NR2C1: variants seen among roughly 807,000 people sequenced by gnomAD.
NR2C1 encodes the protein nuclear receptor subfamily 2 group C member 1.
Under a neutral mutation model 74.8 loss-of-function variants are expected in NR2C1, and 33 were observed. That is an observed-to-expected ratio of 0.44 (90% CI 0.33 to 0.59). The LOEUF (loss-of-function observed/expected upper bound fraction) is 0.59, where lower values mean the gene tolerates loss of function less well. Among genes scored for constraint, NR2C1 ranks in the 20% least tolerant of loss-of-function variants. NR2C1 has a pLI of 0.02. For missense variants in NR2C1, 568 were observed against 715.6 expected (o/e 0.79, Z 2.35); for synonymous variants, 225 against 240.6 (o/e 0.94, Z 0.60).
At chr12:95,044,226 C>T (rs7978890) in intron 9 of NR2C1, among the ~76,000 whole-genome samples, 2,335 of 151,564 alleles carry the variant, frequency 0.015, 67 homozygotes, top group African/African-American at 0.054. Flanking sequence ...AATTATCTTT[C>T]TAGCAGTTTC....
intron 6 of NR2C1, 26 bp from the exon 7 acceptor site, chr12:95,057,669 G>T (rs781321355): frequency 6.2e-7 from 1 of 1,612,206 alleles, no homozygotes. Flanking sequence ...ACAAATTTTG[G>T]CCTGAGTTTC....
Position 95,058,835 on chromosome 12 carries a change from C to T in NR2C1, c.365-346G>A, listed in dbSNP as rs1309659663. On this transcript the variant is annotated intron_variant, in intron 4 of 13. Coordinates refer to ENST00000333003, the MANE Select transcript of NR2C1 (RefSeq NM_003297.4). ...TTGTAGAGGCAGTCTTGCCATTTTG[C>T]CCAGGCTGGTCTTGAACTCCTGGCC... 2.0e-5 allele frequency among the ~76,000 whole-genome samples: 3 copies of T among 151,928 alleles called. No homozygotes were observed. In the South Asian group the frequency reaches 6.2e-4, roughly 32 times the overall value.
chr12:95,054,689 T>G (rs941381689), intron 7 of NR2C1, among the ~76,000 whole-genome samples: 1 of 152,222 alleles, frequency 6.6e-6, no homozygotes, highest in Non-Finnish European at 1.5e-5. Context: ...TGCTTTAATA[T>G]TCACCTAAAA....
intron 10 of NR2C1, among the ~76,000 whole-genome samples, chr12:95,036,271 T>TA (rs1870809715): frequency 1.7e-5 from 1 of 57,154 alleles, no homozygotes; most frequent in Non-Finnish European, 3.3e-5. Context: ...AATGTTGAGA[T>TA]TAAAAAAAAA....
intron 1 of NR2C1, among the ~76,000 whole-genome samples, chr12:95,071,535 G>A (rs991783689): frequency 6.6e-6 from 1 of 152,096 alleles, no homozygotes; most frequent in Non-Finnish European, 1.5e-5. Flanking sequence ...GTTTGGGGAT[G>A]TTTGCTCCCT....
At chr12:95,065,558 A>C (rs185281774) in intron 2 of NR2C1, among the ~76,000 whole-genome samples, 1 of 152,276 alleles carries the variant, frequency 6.6e-6, no homozygotes, top group East Asian at 1.9e-4. Context: ...GCAATACATA[A>C]TAATCACATG....
At chr12:95,053,307 GTATATTACTTGTGCATTAGC>G (rs1873303330) in intron 7 of NR2C1, among the ~76,000 whole-genome samples, 2 of 151,940 alleles carry the variant, frequency 1.3e-5, no homozygotes, top group South Asian at 4.1e-4. Context: ...TTGAAAATGT[GTATATTACTTGTGCATTAGC>G]TACAATTCTT....
chr12:95,029,949 A>G (rs1467686128), intron 11 of NR2C1, among the ~76,000 whole-genome samples: 1 of 152,146 alleles, frequency 6.6e-6, no homozygotes, highest in Non-Finnish European at 1.5e-5. Context: ...GCTCACTGCA[A>G]CCTCAAATTC....
intron 2 of NR2C1, among the ~76,000 whole-genome samples, chr12:95,064,025 CAAAAAAAAAAA>C (rs36124945): frequency 1.4e-5 from 1 of 69,502 alleles, no homozygotes; most frequent in Non-Finnish European, 2.6e-5. Context: ...GACTCTGCCT[CAAAAAAAAAAA>C]AAAAAAAAAG....
At chr12:95,056,668 G>C (rs1873924682) in intron 7 of NR2C1, among the ~76,000 whole-genome samples, 1 of 152,178 alleles carries the variant, frequency 6.6e-6, no homozygotes, top group Admixed American at 6.5e-5. Flanking sequence ...GAAATATTAA[G>C]AATTGTACGG....
chr12:95,033,196 T>G (rs184179641), intron 10 of NR2C1, among the ~76,000 whole-genome samples: 2 of 149,964 alleles, frequency 1.3e-5, no homozygotes, highest in Non-Finnish European at 3.0e-5. Context: ...ACTGGAGAAA[T>G]AGCAATTAAG....
intron 9 of NR2C1, 79 bp downstream of exon 9, chr12:95,048,989 C>G (rs528629231): frequency 7.6e-7 from 1 of 1,321,532 alleles, no homozygotes; most frequent in South Asian, 1.3e-5. Flanking sequence ...AAAAGCACAA[C>G]AAACATACTT....
chr12:95,058,400 A>G lies in NR2C1; in HGVS notation c.454T>C (p.Ser152Pro). 1 of 1,613,786 alleles carries G rather than the reference A, an allele frequency of 6.2e-7. No homozygotes were observed. Among genetic ancestry groups the G allele is most frequent in the Non-Finnish European group, 8.5e-7 (1 of 1,179,898 alleles). Residue 152 changes from serine (S) to proline (P), a missense_variant, in exon 5 of 14, where the codon TCA (serine) becomes CCA (proline). Ser to Pro is a moderately conservative substitution (Grantham distance 74). Transcript: ENST00000333003. ...RKNLVYSCRGSKDCIINKHHR... is the reference protein window; with the variant it reads ...RKNLVYSCRGPKDCIINKHHR... ...TGCTTATTAATAATACAATCCTTTG[A>G]TCCTCGACATGAATATACTAAATTT...
intron 2 of NR2C1, among the ~76,000 whole-genome samples, chr12:95,065,503 G>A (rs964705945): frequency 1.3e-5 from 2 of 152,044 alleles, no homozygotes; most frequent in East Asian, 3.9e-4. Flanking sequence ...GGGTACATAG[G>A]TGTGTATTAT....
At position 95,049,198 on chromosome 12, in the gene NR2C1, C is replaced by T; in HGVS notation, c.1001G>A (p.Gly334Glu). The change falls in exon 9 of 14, where the codon GGA (glycine) becomes GAA (glutamate). Residue 334 changes from glycine to glutamate, a missense_variant. Physicochemically the swap from Gly to Glu is moderately conservative, Grantham distance 98. This residue lies in a region of NR2C1 where 239 missense variants were observed against 232.3 expected (regional missense o/e 1.03). Coordinates refer to ENST00000333003, the MANE Select transcript of NR2C1 (RefSeq NM_003297.4). The stretch of plus-strand genomic sequence containing the variant: ...TGAGCTCTGGCAGGCTGTGCTCTCT[C>T]CAGGATTCAATGCTTTTGCAAGAGT... ...FDTLAKALNP[G>E]ESTACQSSVA... The T allele has an allele frequency of 6.2e-7, 1 of 1,614,104 alleles. No homozygotes were observed. Among genetic ancestry groups the T allele is most frequent in the Non-Finnish European group, 8.5e-7 (1 of 1,179,998 alleles).
At chr12:95,047,354 T>A (rs1053512538) in intron 9 of NR2C1, among the ~76,000 whole-genome samples, 2 of 152,166 alleles carry the variant, frequency 1.3e-5, no homozygotes, top group African/African-American at 4.8e-5. Context: ...TCATAAAAAA[T>A]TTTCCTGTAG....
chr12:95,025,584 G>T (rs1355687168), intron 12 of NR2C1, among the ~76,000 whole-genome samples: 1 of 149,876 alleles, frequency 6.7e-6, no homozygotes, highest in Non-Finnish European at 1.5e-5. Flanking sequence ...CTTAAACCTG[G>T]GAGGCAGAGG....
chr12:95,024,842 A>G (rs1415420719), intron 13 of NR2C1, among the ~76,000 whole-genome samples: 2 of 152,166 alleles, frequency 1.3e-5, no homozygotes, highest in Non-Finnish European at 2.9e-5. Context: ...ATTTTATCCA[A>G]AGAAAAAGAG....
chr12:95,065,384 A>C (rs2136197671), intron 2 of NR2C1, among the ~76,000 whole-genome samples: 1 of 152,220 alleles, frequency 6.6e-6, no homozygotes, highest in Admixed American at 6.5e-5. Flanking sequence ...GGTTTTCTGC[A>C]TGTGAGTTAG....
Sources: gnomAD v4.1 joint callset for allele counts (sites outside exome capture counted in the v4.1 genomes callset) on GRCh38, gnomAD v4.1.1 for gene constraint, gnomAD v4.1.1 regional missense constraint, MANE v1.5 for transcripts, NCBI Gene and HGNC (gene_info 2026-07-23, HGNC 2026-07-21) for gene names.